Variants in XKR6 observed in about 807,000 individuals in gnomAD.
XKR6 encodes XK-related protein 6.
Under a neutral mutation model 56.7 loss-of-function variants are expected in XKR6, and 22 were observed. That is an observed-to-expected ratio of 0.39 (90% CI 0.28 to 0.55). The LOEUF (loss-of-function observed/expected upper bound fraction) is 0.55. Among genes scored for constraint, XKR6 ranks in the 20% least tolerant of loss-of-function variants. The pLI is 0.66. For synonymous variants in XKR6, 524 were observed against 387.8 expected, an observed-to-expected ratio of 1.35 and a Z score of -4.13; for missense variants, 852 against 889.0, an observed-to-expected ratio of 0.96 and a Z score of 0.53.
chr8:10,944,519 C>G lies in XKR6; in HGVS notation c.765-19689G>C, dbSNP rs147251985. Among the ~76,000 whole-genome samples the G allele has an allele frequency of 2.4e-3, 372 of 152,312 alleles. 1 individual carries two copies. Among genetic ancestry groups the G allele is most frequent in the Admixed American group, 4.4e-3 (68 of 15,306 alleles). On this transcript the variant is annotated intron_variant, in intron 1 of 2. Coordinates refer to ENST00000416569, the MANE Select transcript of XKR6 (RefSeq NM_173683.4). Reference sequence around the variant, plus strand: ...GGGCAGGGTGCCCCACACCCACACACAAATCCCACTTTCAGACTCCCTCAG... The same window carrying G: ...GGGCAGGGTGCCCCACACCCACACAGAAATCCCACTTTCAGACTCCCTCAG...
intron 1 of XKR6, chr8:11,137,662 T>C (rs1005320082): frequency 1.3e-5 from 6 of 456,118 alleles, no homozygotes; most frequent in Non-Finnish European, 2.6e-5. Flanking sequence ...GTGTGAGCAA[T>C]GCAATGTGGA....
intron 1 of XKR6, among the ~76,000 whole-genome samples, chr8:11,156,653 T>C (rs1801533376): frequency 6.6e-6 from 1 of 152,202 alleles, no homozygotes; most frequent in African/African-American, 2.4e-5. Flanking sequence ...ACACCCATTA[T>C]CTATTCAATT....
chr8:11,076,018 C>T (rs1800265360), intron 1 of XKR6, among the ~76,000 whole-genome samples: 1 of 152,232 alleles, frequency 6.6e-6, no homozygotes, highest in Non-Finnish European at 1.5e-5. Flanking sequence ...GTCCATCCAT[C>T]CACTGGAATA....
chr8:11,129,725 A>C (rs1191448975), intron 1 of XKR6, among the ~76,000 whole-genome samples: 1 of 152,212 alleles, frequency 6.6e-6, no homozygotes, highest in African/African-American at 2.4e-5. Flanking sequence ...TTGCATTTGC[A>C]TCTAATTTTT....
intron 1 of XKR6, among the ~76,000 whole-genome samples, chr8:10,934,788 G>A (rs1039505425): frequency 4.0e-5 from 6 of 149,156 alleles, no homozygotes; most frequent in African/African-American, 1.5e-4. Context: ...ATGTGCTGCT[G>A]GATTAGGTTT....
chr8:10,974,256 G>A (rs1381788538), intron 1 of XKR6, among the ~76,000 whole-genome samples: 1 of 152,202 alleles, frequency 6.6e-6, no homozygotes, highest in Non-Finnish European at 1.5e-5. Flanking sequence ...TGGCTTTAGT[G>A]AATAAGCCGG....
chr8:11,006,299 C>T (rs374641644), intron 1 of XKR6, among the ~76,000 whole-genome samples: 7 of 152,112 alleles, frequency 4.6e-5, no homozygotes, highest in East Asian at 3.9e-4. Flanking sequence ...CTTCATTCAG[C>T]GCCTACTGTG....
intron 1 of XKR6, among the ~76,000 whole-genome samples, chr8:10,950,138 A>G (rs910863681): frequency 6.6e-6 from 1 of 152,156 alleles, no homozygotes; most frequent in African/African-American, 2.4e-5. Context: ...GTCACAGCAG[A>G]GAGGGAGGGG....
At chr8:11,128,177 GA>G (rs999178312) in intron 1 of XKR6, among the ~76,000 whole-genome samples, 19 of 152,276 alleles carry the variant, frequency 1.2e-4, no homozygotes, top group African/African-American at 4.1e-4. Flanking sequence ...TTTTCTACTA[GA>G]AACAGGAAAC....
At chr8:11,113,049 C>T (rs369780576) in intron 1 of XKR6, among the ~76,000 whole-genome samples, 8 of 152,108 alleles carry the variant, frequency 5.3e-5, no homozygotes, top group African/African-American at 1.7e-4. Context: ...TTACAATTTG[C>T]CTTCTGTAGC....
intron 1 of XKR6, among the ~76,000 whole-genome samples, chr8:10,997,274 T>C (rs1424470378): frequency 1.3e-5 from 2 of 152,224 alleles, no homozygotes; most frequent in Admixed American, 1.3e-4. Flanking sequence ...TTTTTTTCTG[T>C]GCTCCAAGAA....
At chr8:10,990,291 C>G (rs1797959369) in intron 1 of XKR6, among the ~76,000 whole-genome samples, 1 of 152,204 alleles carries the variant, frequency 6.6e-6, no homozygotes, top group Admixed American at 6.5e-5. Context: ...TACTGTTACT[C>G]TTAGACCAGC....
Position 10,946,568 on chromosome 8 carries a change from C to T in XKR6, c.765-21738G>A, listed in dbSNP as rs114438391. ...CGTGTCCTGCGGTTTTCCCTCCCCA[C>T]GGGCTATGCTGTCCCACAATCTGCC... On this transcript the variant is annotated intron_variant, in intron 1 of 2. Transcript: ENST00000416569. Among the ~76,000 whole-genome samples the T allele has an allele frequency of 6.6e-3, 1,006 of 152,146 alleles. 14 individuals are homozygous for T. Among genetic ancestry groups the T allele is most frequent in the African/African-American group, 0.023 (954 of 41,516 alleles).
intron 1 of XKR6, among the ~76,000 whole-genome samples, chr8:11,145,991 T>C (rs752498794): frequency 2.6e-5 from 4 of 152,030 alleles, no homozygotes; most frequent in Non-Finnish European, 4.4e-5. Context: ...GGCATCGAGA[T>C]ACACAAAAAG....
chr8:11,020,182 C>A (rs1175149236), intron 1 of XKR6, among the ~76,000 whole-genome samples: 2 of 152,046 alleles, frequency 1.3e-5, no homozygotes, highest in African/African-American at 4.8e-5. Flanking sequence ...GATGAGGGGA[C>A]TTCAAATAAT....
intron 1 of XKR6, among the ~76,000 whole-genome samples, chr8:11,033,298 G>C (rs563894946): frequency 2.5e-4 from 37 of 148,408 alleles, no homozygotes; most frequent in African/African-American, 9.0e-4. Flanking sequence ...GATGGTGATG[G>C]TGGTGGTGAT....
intron 1 of XKR6, among the ~76,000 whole-genome samples, chr8:11,060,403 G>C (rs985298685): frequency 5.9e-5 from 9 of 152,154 alleles, no homozygotes; most frequent in African/African-American, 2.2e-4. Context: ...TAAACCTAGA[G>C]CCCCTGCCTC....
At chr8:11,060,358 T>C (rs920503210) in intron 1 of XKR6, among the ~76,000 whole-genome samples, 1 of 152,132 alleles carries the variant, frequency 6.6e-6, no homozygotes, top group Non-Finnish European at 1.5e-5. Context: ...CCTCCCCGCA[T>C]CCAGCCTGCA....
chr8:11,183,707 T>C (rs908632245), intron 1 of XKR6, among the ~76,000 whole-genome samples: 1 of 152,214 alleles, frequency 6.6e-6, no homozygotes, highest in Non-Finnish European at 1.5e-5. Context: ...CAATTCATTT[T>C]TTATTTGATC....
Sources: allele counts gnomAD v4.1 joint callset (sites outside exome capture counted in the v4.1 genomes callset), GRCh38; gene constraint gnomAD v4.1.1; transcripts MANE v1.5; gene names NCBI Gene and HGNC (gene_info 2026-07-23, HGNC 2026-07-21).